Variants in C9 observed in about 807,000 individuals in gnomAD.
The protein encoded by C9 is complement component C9.
Under a neutral mutation model 65.4 loss-of-function variants are expected in C9, and 63 were observed. The observed-to-expected ratio is 0.96, with a 90% confidence interval of 0.79 to 1.19. C9 has a LOEUF of 1.19. Among genes scored for constraint, C9 ranks in the 50% most tolerant of loss-of-function variants. C9 has a pLI of 0.00. For missense variants in C9, 744 were observed against 670.1 expected (o/e 1.11, Z -1.22); for synonymous variants, 229 against 227.9 (o/e 1.00, Z -0.04).
chr5:39,285,374 TG>T, intron 10 of C9, 141 bp from the exon 11 acceptor site: 1 of 724,232 alleles, frequency 1.4e-6, no homozygotes, highest in Non-Finnish European at 2.5e-6. Flanking sequence ...TAGAATGTGG[TG>T]TAAGGTACAA....
chr5:39,313,717 A>G (rs72736590), intron 6 of C9, among the ~76,000 whole-genome samples: 173 of 152,198 alleles, frequency 1.1e-3, no homozygotes, highest in Non-Finnish European at 1.9e-3. Context: ...ATTGTATTCT[A>G]TTTTCTATGT....
intron 5 of C9, among the ~76,000 whole-genome samples, chr5:39,318,173 T>C (rs1753604380): frequency 1.3e-5 from 2 of 152,102 alleles, no homozygotes; most frequent in Non-Finnish European, 2.9e-5. Flanking sequence ...TATATAGGAA[T>C]GGTAGCAATT....
At chr5:39,285,364 T>C (rs1042039059) in intron 10 of C9, 131 bp from the exon 11 acceptor site, 2 of 745,078 alleles carry the variant, frequency 2.7e-6, no homozygotes, top group African/African-American at 3.5e-5. Flanking sequence ...GTACTGGGAA[T>C]AGAATGTGGT....
intron 4 of C9, among the ~76,000 whole-genome samples, chr5:39,335,332 C>A (rs1370014488): frequency 6.6e-6 from 1 of 152,136 alleles, no homozygotes; most frequent in Non-Finnish European, 1.5e-5. Flanking sequence ...TGCTTCCATG[C>A]AAATTGTGTT....
At chr5:39,302,593 G>C (rs1047024039) in intron 9 of C9, among the ~76,000 whole-genome samples, 5 of 152,116 alleles carry the variant, frequency 3.3e-5, no homozygotes, top group African/African-American at 4.8e-5. Flanking sequence ...CAAAAATGAC[G>C]GGTTAATTAA....
chr5:39,285,049 A>G lies in C9; in HGVS notation c.*150T>C. 2 of 660,230 alleles carry G rather than the reference A, an allele frequency of 3.0e-6. No homozygotes were observed. The highest frequency in any genetic ancestry group is 5.4e-6 in the Non-Finnish European group (2 of 371,056). The allele number at this position is 660,230 out of a possible 1,614,324, so 40.9% of individuals were successfully genotyped here. A position where few individuals can be genotyped will look rare whatever the true frequency, so the allele number is the denominator to read the frequency against. On this transcript the variant is annotated 3_prime_UTR_variant, in exon 11 of 11. Transcript: ENST00000263408. ...AGGAAGAAAAATTTAAAAAAAAATT[A>G]TAGACCTAAGAGAGAAGAGACTTCA... is the stretch of plus-strand genomic sequence containing the variant.
rs572063835 is a variant in C9, at chr5:39,320,288, C to T, written c.616-4259G>A. ...TGAAATCAGGAAAAAAATACATGAA[C>T]AAAATTAGAAGTTCAATAGAGAGAA... On this transcript the variant is annotated intron_variant, in intron 5 of 10. Coordinates refer to ENST00000263408, the MANE Select transcript of C9 (RefSeq NM_001737.5). 1.4e-4 allele frequency among the ~76,000 whole-genome samples: 22 copies of T among 151,756 alleles called. No homozygotes were observed. The South Asian group carries it at 2.7e-3, about 19-fold the overall frequency.
chr5:39,300,046 T>C (rs1278581836), intron 9 of C9, among the ~76,000 whole-genome samples: 3 of 152,166 alleles, frequency 2.0e-5, no homozygotes, highest in Non-Finnish European at 4.4e-5. Flanking sequence ...TTTTTATCTC[T>C]TTTATTCACT....
chr5:39,296,320 A>G (rs1415037895), intron 9 of C9, among the ~76,000 whole-genome samples: 1 of 151,638 alleles, frequency 6.6e-6, no homozygotes, highest in African/African-American at 2.4e-5. Flanking sequence ...AACAACTAAC[A>G]ACAACAAAAT....
At chr5:39,285,276 A>G (rs760746886) in intron 10 of C9, 43 bp from the exon 11 acceptor site, 1 of 1,545,386 alleles carries the variant, frequency 6.5e-7, no homozygotes, top group South Asian at 1.1e-5. Context: ...CATCAATAGG[A>G]TTTTACTTTG....
At chr5:39,309,450 C>A (rs915117412) in intron 7 of C9, among the ~76,000 whole-genome samples, 1 of 152,124 alleles carries the variant, frequency 6.6e-6, no homozygotes, top group African/African-American at 2.4e-5. Flanking sequence ...TTCTCATGCA[C>A]CCACAATTAG....
At chr5:39,348,832 T>C (rs1487107233) in intron 1 of C9, among the ~76,000 whole-genome samples, 3 of 152,144 alleles carry the variant, frequency 2.0e-5, no homozygotes, top group Non-Finnish European at 4.4e-5. Context: ...CATAGAATAC[T>C]ATGCAGCCAT....
chr5:39,331,475 A>C (rs1753838446), intron 5 of C9, among the ~76,000 whole-genome samples: 1 of 152,186 alleles, frequency 6.6e-6, no homozygotes, highest in Non-Finnish European at 1.5e-5. Flanking sequence ...CATCTTTATC[A>C]CTAGGTGCAT....
At chr5:39,346,198 C>T (rs541892037) in intron 1 of C9, among the ~76,000 whole-genome samples, 1 of 152,122 alleles carries the variant, frequency 6.6e-6, no homozygotes, top group East Asian at 1.9e-4. Context: ...CATAGAGACA[C>T]AAAAAACCCT....
At chr5:39,309,151 G>A (rs1409752928) in intron 7 of C9, among the ~76,000 whole-genome samples, 1 of 150,504 alleles carries the variant, frequency 6.6e-6, no homozygotes, top group Non-Finnish European at 1.5e-5. Context: ...GTTATTATCT[G>A]TTTTTGCAAT....
chr5:39,360,668 T>C (rs1336218493), intron 1 of C9, among the ~76,000 whole-genome samples: 1 of 152,006 alleles, frequency 6.6e-6, no homozygotes, highest in Non-Finnish European at 1.5e-5. Flanking sequence ...AAAACATATA[T>C]ATGGCCTTTC....
Position 39,294,197 on chromosome 5 carries a change from A to G in C9, c.1417-5246T>C, listed in dbSNP as rs140897439. The stretch of plus-strand genomic sequence containing the variant: ...ACCCCAAAATAGTAGAAGGAAAGAG[A>G]TAATAATGATCGGAGCAGAAATAAA... On this transcript the variant is annotated intron_variant, in intron 9 of 10. Coordinates refer to ENST00000263408, the MANE Select transcript of C9 (RefSeq NM_001737.5). Among the ~76,000 whole-genome samples the G allele has an allele frequency of 3.2e-4, 48 of 152,046 alleles. 1 individual carries two copies. The East Asian group carries it at 6.8e-3, about 21-fold the overall frequency.
chr5:39,336,771 A>G (rs747048332), intron 4 of C9, among the ~76,000 whole-genome samples: 15 of 152,360 alleles, frequency 9.8e-5, no homozygotes, highest in Non-Finnish European at 1.9e-4. Context: ...AAATTTTATT[A>G]TAACAATGTC....
intron 10 of C9, among the ~76,000 whole-genome samples, chr5:39,287,029 GTTAATC>G (rs1296651471): frequency 6.6e-6 from 1 of 151,896 alleles, no homozygotes; most frequent in Non-Finnish European, 1.5e-5. Flanking sequence ...GCCATAGAAA[GTTAATC>G]TTAATAGCTA....
Sources: allele counts gnomAD v4.1 joint callset (sites outside exome capture counted in the v4.1 genomes callset), GRCh38; gene constraint gnomAD v4.1.1; transcripts MANE v1.5; gene names NCBI Gene and HGNC (gene_info 2026-07-23, HGNC 2026-07-21).